DAPK2: variants seen among roughly 807,000 people sequenced by gnomAD.
DAPK2 encodes the protein death associated protein kinase 2, also known as death-associated protein kinase 2.
Under a neutral mutation model 44.1 loss-of-function variants are expected in DAPK2, and 35 were observed. The ratio of observed to expected loss-of-function variants is 0.79; its 90% CI spans 0.61 to 1.05. DAPK2 has a LOEUF of 1.05. Among genes scored for constraint, DAPK2 ranks in the 50% least tolerant of loss-of-function variants. The pLI, the probability that DAPK2 is intolerant of heterozygous loss-of-function variation, is 0.00. For synonymous variants in DAPK2, 174 were observed against 182.6 expected (o/e 0.95, Z 0.38); for missense variants, 453 against 483.2 (o/e 0.94, Z 0.59).
In DAPK2 at chr15:63,922,826, C is replaced by G. The variant is rs111424786; in HGVS notation, c.858+1990G>C. ...ACTGGTGTCCTGGTAGAATGTGGAG[C>G]CCAGGCCCTCAGAGCTCCCACTCTC... On this transcript the variant is annotated intron_variant, in intron 8 of 10. Transcript: ENST00000261891. 1,655 of 1,535,830 alleles carry G rather than the reference C, an allele frequency of 1.1e-3. 6 individuals are homozygous for G. The highest frequency in any genetic ancestry group is 0.011 in the Middle Eastern group (64 of 5,982).
intron 1 of DAPK2, among the ~76,000 whole-genome samples, chr15:64,036,637 T>G (rs2080220148): frequency 6.6e-6 from 1 of 152,190 alleles, no homozygotes; most frequent in African/African-American, 2.4e-5. Context: ...CAACATTACA[T>G]GTCTGAGCTT....
rs539206310 is a variant in DAPK2 at position 64,009,475 on chromosome 15, T to C, written c.93-25721A>G. Among the ~76,000 whole-genome samples the C allele has an allele frequency of 8.5e-5, 13 of 152,200 alleles. No homozygotes were observed. In the East Asian group the frequency reaches 2.5e-3, roughly 29 times the overall value. ...CAGGCCCCAGGGGCCTTTCACCACC[T>C]AGCCTCATTCTACTTGCCCAAATGT... is the stretch of plus-strand genomic sequence containing the variant. On this transcript the variant is annotated intron_variant, in intron 1 of 10. Coordinates refer to ENST00000261891, the Ensembl canonical transcript of DAPK2.
chr15:63,925,909 C>A (rs2079244123), intron 7 of DAPK2, 32 bp downstream of exon 8: 1 of 1,614,000 alleles, frequency 6.2e-7, no homozygotes, highest in Non-Finnish European at 8.5e-7. Flanking sequence ...GGATCAGTAC[C>A]TGAGAAACCA....
chr15:63,989,429 T>G (rs1385698542), intron 1 of DAPK2, among the ~76,000 whole-genome samples: 1 of 152,084 alleles, frequency 6.6e-6, no homozygotes, highest in African/African-American at 2.4e-5. Flanking sequence ...GTAAAGTGAC[T>G]GGCAATTGGG....
intron 2 of DAPK2, among the ~76,000 whole-genome samples, chr15:63,972,750 C>G (rs1230187410): frequency 1.3e-5 from 2 of 152,096 alleles, no homozygotes; most frequent in African/African-American, 4.8e-5. Context: ...GGTTTAAAGA[C>G]AAAATTGTTA....
chr15:64,040,125 C>A (rs1464474710), intron 1 of DAPK2, 45 bp downstream of exon 2: 3 of 1,495,796 alleles, frequency 2.0e-6, no homozygotes, highest in Non-Finnish European at 1.9e-6. Context: ...AGAAGCATGA[C>A]TTTGGCTCCC....
At chr15:64,006,079 C>T (rs1469741785) in intron 1 of DAPK2, among the ~76,000 whole-genome samples, 1 of 149,840 alleles carries the variant, frequency 6.7e-6, no homozygotes, top group Non-Finnish European at 1.5e-5. Context: ...CTCTGCAACA[C>T]GTACAAACCC....
intron 1 of DAPK2, among the ~76,000 whole-genome samples, chr15:64,033,286 G>GAA (rs1567287463): frequency 0.073 from 7,063 of 97,162 alleles, 665 homozygotes; most frequent in African/African-American, 0.23. Context: ...AAGGGGGAAG[G>GAA]GGGAAGGAAG....
Position 63,911,971 on chromosome 15 carries a change from G to A in DAPK2, c.969C>T (p.Ser323=), listed in dbSNP as rs752787051. 8 of 1,613,880 alleles carry A rather than the reference G, an allele frequency of 5.0e-6. No individual in the cohort carries two copies. In the East Asian group the frequency reaches 8.9e-5, roughly 18 times the overall value. The change falls in exon 10 of 11, where the codon TCC becomes TCT. Residue 323 remains serine, a synonymous_variant. Coordinates refer to ENST00000261891, the Ensembl canonical transcript of DAPK2. Reference sequence around the variant, plus strand: ...GCGAGCGGGTGAGGTGGTTGCACAGGGACACGATGCTGAAGGAAAGCTGAG... The same window carrying A: ...GCGAGCGGGTGAGGTGGTTGCACAGAGACACGATGCTGAAGGAAAGCTGAG...
chr15:64,040,031 G>A (rs1054657958), intron 1 of DAPK2, 139 bp downstream of exon 2: 2 of 651,506 alleles, frequency 3.1e-6, no homozygotes, highest in African/African-American at 1.8e-5. Flanking sequence ...ACCCAGGCAG[G>A]TGAATAATCC....
At chr15:64,027,370 T>C (rs1292697356) in intron 1 of DAPK2, among the ~76,000 whole-genome samples, 1 of 149,294 alleles carries the variant, frequency 6.7e-6, no homozygotes, top group African/African-American at 2.5e-5. Context: ...GGCAACAGAG[T>C]GAGACTCTGT....
intron 1 of DAPK2, among the ~76,000 whole-genome samples, chr15:63,998,129 C>G (rs1310203303): frequency 6.6e-6 from 1 of 152,168 alleles, no homozygotes; most frequent in Non-Finnish European, 1.5e-5. Context: ...ATCCTTGGTG[C>G]TTAGGAAGTG....
intron 4 of DAPK2, among the ~76,000 whole-genome samples, chr15:63,938,536 A>G (rs2077222819): frequency 1.3e-5 from 2 of 152,192 alleles, no homozygotes; most frequent in South Asian, 4.1e-4. Flanking sequence ...TGAGGACATC[A>G]TGCCCTCCCT....
chr15:64,011,272 A>G (rs1425547737), intron 1 of DAPK2, among the ~76,000 whole-genome samples: 1 of 152,142 alleles, frequency 6.6e-6, no homozygotes, highest in African/African-American at 2.4e-5. Context: ...AGTAAAGATG[A>G]TCTCAAGCTG....
At position 63,964,346 on chromosome 15, in the gene DAPK2, C is replaced by A. The variant is rs77954665; in HGVS notation, c.453+7077G>T. On this transcript the variant is annotated intron_variant, in intron 3 of 10. Transcript: ENST00000261891. ...ATTGGAGTTTCATCGTATGTTGTTT[C>A]TTTTCTCTTGCTTTTAGGATCCTTT... Among the ~76,000 whole-genome samples the A allele has an allele frequency of 1.0e-3, 153 of 152,172 alleles. 3 individuals carry two copies. In the East Asian group the frequency reaches 0.028, roughly 27 times the overall value.
intron 2 of DAPK2, among the ~76,000 whole-genome samples, chr15:63,976,445 A>G (rs186057243): frequency 6.6e-6 from 1 of 152,350 alleles, no homozygotes; most frequent in East Asian, 1.9e-4. Flanking sequence ...TGGGCTGGGC[A>G]CAGTGGCTCA....
intron 8 of DAPK2, among the ~76,000 whole-genome samples, chr15:63,914,393 G>T (rs2078873209): frequency 6.6e-6 from 1 of 152,170 alleles, no homozygotes. Flanking sequence ...CAAGGAATGG[G>T]AAGAGAAAAG....
At chr15:63,962,973 C>G (rs962407908) in intron 3 of DAPK2, among the ~76,000 whole-genome samples, 1 of 152,202 alleles carries the variant, frequency 6.6e-6, no homozygotes, top group Non-Finnish European at 1.5e-5. Context: ...GGCAGGCAGG[C>G]CTCCTTGAGC....
At chr15:63,943,346 T>C (rs1484648893) in intron 3 of DAPK2, among the ~76,000 whole-genome samples, 1 of 152,168 alleles carries the variant, frequency 6.6e-6, no homozygotes, top group Non-Finnish European at 1.5e-5. Flanking sequence ...GAGGATCACC[T>C]GAGCCCAGGA....
Sources: gnomAD v4.1 joint callset for allele counts (sites outside exome capture counted in the v4.1 genomes callset) on GRCh38, gnomAD v4.1.1 for gene constraint, MANE v1.5 for transcripts, NCBI Gene and HGNC (gene_info 2026-07-23, HGNC 2026-07-21) for gene names.